AARS2: variants seen among roughly 807,000 people sequenced by gnomAD.
AARS2 encodes the protein alanine--tRNA ligase, mitochondrial.
A neutral mutation model predicts 119.7 loss-of-function variants in AARS2; 78 were observed. The observed-to-expected ratio is 0.65, with a 90% confidence interval of 0.54 to 0.79. AARS2 has a LOEUF of 0.79. Ranked by LOEUF, AARS2 falls within the 30% of genes least tolerant of loss-of-function variation. The pLI, the probability that AARS2 is intolerant of heterozygous loss-of-function variation, is 0.00. For synonymous variants in AARS2, 502 were observed against 526.3 expected, an observed-to-expected ratio of 0.95 and a Z score of 0.63; for missense variants, 1,157 against 1,291.3, an observed-to-expected ratio of 0.90 and a Z score of 1.59.
At chr6:44,300,990 G>A in intron 21 of AARS2, 166 bp downstream of exon 21, 1 of 752,504 alleles carries the variant, frequency 1.3e-6, no homozygotes, top group Non-Finnish European at 2.1e-6. Flanking sequence ...GTGGGGAGGG[G>A]CTGTTTTCAG....
chr6:44,311,474 C>T lies in AARS2; in HGVS notation c.497G>A (p.Arg166Lys). The T allele has an allele frequency of 1.2e-6, 2 of 1,614,098 alleles. No homozygotes were observed. Among genetic ancestry groups the T allele is most frequent in the Non-Finnish European group, 1.7e-6 (2 of 1,180,026 alleles). Residue 166 changes from arginine (R) to lysine (K), a missense_variant, in exon 3 of 22, where the codon AGG becomes AAG. By Grantham distance (26) the Arg-to-Lys change is conservative. Coordinates refer to ENST00000244571, the MANE Select transcript of AARS2 (RefSeq NM_020745.4). ...ACCATCAAAGTAGGAGATCCAGAGCCTTTCCTCAGGGATCCCATAGACCTG... is the reference window on the plus strand; with the variant it reads ...ACCATCAAAGTAGGAGATCCAGAGCTTTTCCTCAGGGATCCCATAGACCTG... ...LTQVYGIPEE[R>K]LWISYFDGDP... is the part of the protein sequence containing the mutation.
chr6:44,302,900 G>GT lies in AARS2; in HGVS notation c.2265dup (p.Arg756ThrfsTer50), dbSNP rs2153353987. 6.2e-7 allele frequency: 1 copy of GT among 1,614,070 alleles called. No individual in the cohort carries two copies. Among genetic ancestry groups the GT allele is most frequent in the East Asian group, 2.2e-5 (1 of 44,884 alleles). Reference sequence around the variant, plus strand: ...ACCAGGTCCCCTACAGCCCCAGTACGTAACAGGTGCCTGTGGGAGGAAGGA... The same window carrying GT: ...ACCAGGTCCCCTACAGCCCCAGTACGTTAACAGGTGCCTGTGGGAGGAAGGA... On this transcript the variant is annotated frameshift_variant, in exon 17 of 22. Transcript: ENST00000244571. LOFTEE classifies it high-confidence loss of function.
In AARS2 at chr6:44,304,606, C is replaced by T. The variant is rs372264863; in HGVS notation, c.1752+39G>A. On this transcript the variant is annotated intron_variant, in intron 12 of 21. Coordinates refer to ENST00000244571, the MANE Select transcript of AARS2 (RefSeq NM_020745.4). The stretch of plus-strand genomic sequence containing the variant: ...GGCTCCCACTCAGGCTTGGGTCTGC[C>T]GCCCACAGAAATCAGCCTGGGTTGT... The T allele has an allele frequency of 1.7e-5, 28 of 1,614,014 alleles. No homozygotes were observed. In the African/African-American group the frequency reaches 2.3e-4, roughly 13 times the overall value.
rs780675831 is a variant in AARS2 at position 44,311,177 on chromosome 6, G to C, written c.582-16C>G. The C allele has an allele frequency of 7.4e-6, 12 of 1,613,964 alleles. No individual in the cohort carries two copies. In the Admixed American group the frequency reaches 8.3e-5, roughly 11 times the overall value. On this transcript the variant is annotated splice_polypyrimidine_tract_variant and intron_variant, in intron 3 of 21. Transcript: ENST00000244571. The stretch of plus-strand genomic sequence containing the variant: ...AGCAGGCACCCTGGGGAGAAAAGCA[G>C]GTGAGTGGTGGGAGACAGACAGACC...
chr6:44,311,954 G>T (rs1206289926), intron 2 of AARS2, 118 bp downstream of exon 2: 6 of 1,246,410 alleles, frequency 4.8e-6, no homozygotes, highest in Non-Finnish European at 7.0e-6. Context: ...CTGTTACACC[G>T]GCTCAACTAG....
Position 44,307,012 on chromosome 6 carries a change from G to A in AARS2, c.1060C>T (p.Leu354=), listed in dbSNP as rs772328037. 31 of 1,613,984 alleles carry A rather than the reference G, an allele frequency of 1.9e-5. No individual in the cohort carries two copies. In the South Asian group the frequency reaches 3.4e-4, roughly 18 times the overall value. ...ATGGAGAAACGCACAGCTCGACGCA[G>A]GATCCGACGAAGAACCAGCCTAAAG... ...SGPPLVLRRI[L]RRAVRFSMEI... The change falls in exon 7 of 22, where the codon CTG becomes TTG. Residue 354 remains leucine (L), a synonymous_variant. Coordinates refer to ENST00000244571, the MANE Select transcript of AARS2 (RefSeq NM_020745.4). The surrounding 1 kb of genome is among the most constrained non-coding windows in gnomAD (Gnocchi z 4.4).
rs898375030 is a variant in AARS2, at chr6:44,304,314, C to G, written c.1874G>C (p.Arg625Pro). Residue 625 changes from arginine to proline, a missense_variant, in exon 14 of 22, where the codon CGT (arginine) becomes CCT (proline). By Grantham distance (103) the Arg-to-Pro change is moderately radical (BLOSUM62 -2). Coordinates refer to ENST00000244571, the MANE Select transcript of AARS2 (RefSeq NM_020745.4). Reference protein sequence around the residue: ...QVQLHVDEAWRLGCMAKHTAT... With the variant: ...QVQLHVDEAWPLGCMAKHTAT... ...CGTATGCTTCGCCATGCAGCCTAGA[C>G]GCCAGGCCTGAAATACTTTTGTCAC... The G allele has an allele frequency of 6.2e-7, 1 of 1,614,196 alleles. No individual in the cohort carries two copies. The highest frequency in any genetic ancestry group is 8.5e-7 in the Non-Finnish European group (1 of 1,180,040).
rs957556458 is a variant in AARS2, at chr6:44,304,438, C to T, written c.1848G>A (p.Val616=). 1.9e-6 allele frequency: 3 copies of T among 1,614,210 alleles called. No individual in the cohort carries two copies. The highest frequency in any genetic ancestry group is 2.2e-5 in the East Asian group (1 of 44,892). Residue 616 remains valine, a synonymous_variant, in exon 13 of 22, where the codon GTG becomes GTA. Coordinates refer to ENST00000244571, the MANE Select transcript of AARS2 (RefSeq NM_020745.4). Reference sequence around the variant, plus strand: ...TCCTTACCTCATCCACATGCAGCTGCACCTGGTCCCCTAACCGCAGGCACT... The same window carrying T: ...TCCTTACCTCATCCACATGCAGCTGTACCTGGTCCCCTAACCGCAGGCACT... The part of the protein sequence containing the change: ...APECLRLGDQ[V]QLHVDEAWRL...
chr6:44,310,391 T>A lies in AARS2; in HGVS notation c.802A>T (p.Met268Leu). The change falls in exon 5 of 22, where the codon ATG (methionine) becomes TTG (leucine). Residue 268 changes from methionine (M) to leucine (L), a missense_variant. Met to Leu is a conservative substitution (Grantham distance 15, BLOSUM62 2). Coordinates refer to ENST00000244571, the MANE Select transcript of AARS2 (RefSeq NM_020745.4). ...PLPQRHVDTG[M>L]GLERLVAVLQ... ...ACAGCCACCAGCCTTTCCAGGCCCA[T>A]TCCTGTGTCCACATGCCGCTGGGGC... 1 of 1,614,192 alleles carries A rather than the reference T, an allele frequency of 6.2e-7. No homozygotes were observed. Among genetic ancestry groups the A allele is most frequent in the Non-Finnish European group, 8.5e-7 (1 of 1,180,012 alleles).
rs1785171634 is a variant in AARS2, at chr6:44,299,277, G to C, written c.*1270C>G. Among the ~76,000 whole-genome samples the C allele has an allele frequency of 6.6e-6, 1 of 151,954 alleles. No homozygotes were observed. Among genetic ancestry groups the C allele is most frequent in the South Asian group, 2.1e-4 (1 of 4,818 alleles). On this transcript the variant is annotated 3_prime_UTR_variant, in exon 22 of 22. Transcript: ENST00000244571. ...TTTCTCCCTTCTTTTTTTTAAGACA[G>C]GGTCTCACTCTGTTGCCTGGAGTGC...
chr6:44,306,942 G>T lies in AARS2; in HGVS notation c.1130C>A (p.Pro377His), dbSNP rs1056226404. 1 of 1,613,872 alleles carries T rather than the reference G, an allele frequency of 6.2e-7. No individual in the cohort carries two copies. The highest frequency in any genetic ancestry group is 8.5e-7 in the Non-Finnish European group (1 of 1,179,924). The part of the protein sequence containing the change: ...APPGFLGSLV[P>H]VVVETLGDAY... ...CCTTACCAGTGTCTCCACCACTACA[G>T]GTACCAGGCTGCCTAGGAAGCCAGG... Residue 377 changes from proline (P) to histidine (H), a missense_variant, in exon 7 of 22, where the codon CCT (proline) becomes CAT (histidine). Transcript: ENST00000244571.
At position 44,300,287 on chromosome 6, in the gene AARS2, A is replaced by T; in HGVS notation, c.*260T>A. On this transcript the variant is annotated 3_prime_UTR_variant, in exon 22 of 22. Coordinates refer to ENST00000244571, the MANE Select transcript of AARS2 (RefSeq NM_020745.4). ...AACCACCACACCCGGCCAGTGAAAT[A>T]ATTTCTAATGTGCAGTCACAGCCAT... 3.6e-6 allele frequency: 2 copies of T among 552,864 alleles called. No homozygotes were observed. Among genetic ancestry groups the T allele is most frequent in the Non-Finnish European group, 6.5e-6 (2 of 308,488 alleles). The allele number at this position is 552,864 out of a possible 1,614,324, so 34.2% of individuals were successfully genotyped here. A position where few individuals can be genotyped will look rare whatever the true frequency, so the allele number is the denominator to read the frequency against.
chr6:44,301,929 G>T, intron 19 of AARS2, 131 bp downstream of exon 19: 1 of 615,210 alleles, frequency 1.6e-6, no homozygotes, highest in Non-Finnish European at 2.5e-6. Flanking sequence ...TCAGCTGGCA[G>T]GAGAAGGAAG....
Position 44,310,934 on chromosome 6 carries a change from T to C in AARS2, c.749+60A>G, listed in dbSNP as rs949550490. On this transcript the variant is annotated intron_variant, in intron 4 of 21. Coordinates refer to ENST00000244571, the MANE Select transcript of AARS2 (RefSeq NM_020745.4). The stretch of plus-strand genomic sequence containing the variant: ...TTATATGAAACAGATCAAAGTCTTC[T>C]AATTGCCACCTTTCCCACTTCTAGT... 1.4e-4 allele frequency: 219 copies of C among 1,607,948 alleles called. 1 individual carries two copies. Among genetic ancestry groups the C allele is most frequent in the Non-Finnish European group, 4.1e-5 (48 of 1,175,530 alleles).
chr6:44,306,451 A>T, intron 8 of AARS2, 43 bp downstream of exon 8: 3 of 1,613,904 alleles, frequency 1.9e-6, no homozygotes, highest in Non-Finnish European at 2.5e-6. Context: ...CTCTCTCCAC[A>T]ACTCTCCCAT....
Position 44,305,214 on chromosome 6 carries a change from G to A in AARS2, c.1435-16C>T, listed in dbSNP as rs766105034. ...GTGCCCGGTGCTGCAGGGTGGGCAT[G>A]GGCATGGAAGAAGTGCATGGAGAAT... On this transcript the variant is annotated splice_polypyrimidine_tract_variant and intron_variant, in intron 10 of 21. Coordinates refer to ENST00000244571, the MANE Select transcript of AARS2 (RefSeq NM_020745.4). The surrounding 1 kb of genome is among the most constrained non-coding windows in gnomAD (Gnocchi z 4.6). The A allele has an allele frequency of 1.2e-5, 19 of 1,609,642 alleles. No homozygotes were observed. Among genetic ancestry groups the A allele is most frequent in the Non-Finnish European group, 1.6e-5 (19 of 1,180,012 alleles).
chr6:44,307,199 C>T lies in AARS2; in HGVS notation c.1040+50G>A. Reference sequence around the variant, plus strand: ...CCTCTCCTGTTCCCTCCCTCCTCCACCTGAGACCCCCAGCAGCCCCTGTCC... The same window carrying T: ...CCTCTCCTGTTCCCTCCCTCCTCCATCTGAGACCCCCAGCAGCCCCTGTCC... On this transcript the variant is annotated intron_variant, in intron 6 of 21. Coordinates refer to ENST00000244571, the MANE Select transcript of AARS2 (RefSeq NM_020745.4). This position sits in a 1 kb window ranked among gnomAD's most constrained non-coding sequence, Gnocchi z 4.4. 1.9e-6 allele frequency: 3 copies of T among 1,613,162 alleles called. No homozygotes were observed. Among genetic ancestry groups the T allele is most frequent in the Non-Finnish European group, 2.5e-6 (3 of 1,179,638 alleles).
intron 7 of AARS2, 75 bp downstream of exon 7, chr6:44,306,848 C>A (rs1583056189): frequency 7.2e-7 from 1 of 1,398,422 alleles, no homozygotes. Context: ...AGGCTGGGGG[C>A]ACTGTCTAGG....
intron 11 of AARS2, 59 bp downstream of exon 11, chr6:44,304,995 A>AT: frequency 6.2e-7 from 1 of 1,613,686 alleles, no homozygotes. Flanking sequence ...CATCTTGGAC[A>AT]TTCTTCTTAG....
Sources: gnomAD v4.1 joint callset for allele counts (sites outside exome capture counted in the v4.1 genomes callset) on GRCh38, gnomAD v4.1.1 for gene constraint, Gnocchi (gnomAD v3.1) non-coding constraint, MANE v1.5 for transcripts, NCBI Gene and HGNC (gene_info 2026-07-23, HGNC 2026-07-21) for gene names.